The following DCAF4L1 variants were observed in gnomAD, a reference collection of about 807,000 sequenced individuals.
DCAF4L1 encodes DDB1 and CUL4 associated factor 4 like 1, also known as DDB1- and CUL4-associated factor 4-like protein 1.
In DCAF4L1, 4 loss-of-function variants were observed where a neutral mutation model predicts 28.2. The observed-to-expected ratio is 0.14, with a 90% confidence interval of 0.07 to 0.33. The LOEUF (loss-of-function observed/expected upper bound fraction) is 0.33. Among genes scored for constraint, DCAF4L1 ranks in the 10% least tolerant of loss-of-function variants. The pLI is 1.00. For missense variants in DCAF4L1, 331 were observed against 506.1 expected, an observed-to-expected ratio of 0.65 and a Z score of 3.32; for synonymous variants, 252 against 212.1, an observed-to-expected ratio of 1.19 and a Z score of -1.63.
rs991467413 is a variant in DCAF4L1, at chr4:41,983,938, A to C, written c.*955A>C. 5 of 166,014 alleles carry C rather than the reference A, an allele frequency of 3.0e-5. No individual in the cohort carries two copies. Among genetic ancestry groups the C allele is most frequent in the African/African-American group, 4.8e-5 (2 of 41,468 alleles). 10.3% of individuals were successfully genotyped at this position (166,014 alleles called of 1,614,324 possible). On this transcript the variant is annotated 3_prime_UTR_variant, in exon 1 of 1. Coordinates refer to ENST00000333141, the MANE Select transcript of DCAF4L1 (RefSeq NM_001029955.4). ...TGCATAATAATAGAAAATAAGGCAC[A>C]CTTGCTATGTGAAACAGTATGGACC...
rs1214649663 is a variant in DCAF4L1 at position 41,986,345 on chromosome 4, CCT to C, written c.*3367_*3368del. The stretch of plus-strand genomic sequence containing the variant: ...TGGTTGTTACTGCTGTCAGGTGCAT[CCT>C]CTCTATAGCGGGGTACTGGCTACAC... On this transcript the variant is annotated 3_prime_UTR_variant, in exon 1 of 1. Coordinates refer to ENST00000333141, the MANE Select transcript of DCAF4L1 (RefSeq NM_001029955.4). 6.8e-6 allele frequency: 1 copy of C among 147,208 alleles called. No individual in the cohort carries two copies. Among genetic ancestry groups the C allele is most frequent in the Non-Finnish European group, 1.7e-5 (1 of 59,108 alleles). 9.1% of individuals were successfully genotyped at this position (147,208 alleles called of 1,614,324 possible).
Position 41,982,740 on chromosome 4 carries a change from C to G in DCAF4L1, c.948C>G (p.Ala316=), listed in dbSNP as rs1264848872. The G allele has an allele frequency of 6.2e-7, 1 of 1,614,244 alleles. No individual in the cohort carries two copies. Among genetic ancestry groups the G allele is most frequent in the South Asian group, 1.1e-5 (1 of 91,086 alleles). Residue 316 remains alanine, a synonymous_variant, in exon 1 of 1, where the codon GCC becomes GCG. Coordinates refer to ENST00000333141, the MANE Select transcript of DCAF4L1 (RefSeq NM_001029955.4). This position sits in a 1 kb window ranked among gnomAD's most constrained non-coding sequence, Gnocchi z 4.4. The part of the protein sequence containing the change: ...RQYEGHVNES[A]YLPLHVHEEE... ...ACGAAGGTCACGTGAATGAGTCCGC[C>G]TATCTGCCCCTGCATGTGCACGAGG...
Position 41,982,567 on chromosome 4 carries a change from G to A in DCAF4L1, c.775G>A (p.Gly259Ser), listed in dbSNP as rs1714022070. ...FAIDLRCRNR[G>S]KGWRATRLFH... ...CATTGATCTGCGTTGTAGAAATCGA[G>A]GCAAGGGGTGGAGGGCCACTCGCCT... The change falls in exon 1 of 1, where the codon GGC becomes AGC. Residue 259 changes from glycine (G) to serine (S), a missense_variant. Transcript: ENST00000333141. This position sits in a 1 kb window ranked among gnomAD's most constrained non-coding sequence, Gnocchi z 4.4. 1 of 1,614,100 alleles carries A rather than the reference G, an allele frequency of 6.2e-7. No individual in the cohort carries two copies. The highest frequency in any genetic ancestry group is 1.7e-5 in the Admixed American group (1 of 60,004).
rs576181914 is a variant in DCAF4L1, at chr4:41,984,377, A to G, written c.*1394A>G. ...TTGCATTGGAAGATCATTCGAAGGT[A>G]GTATTATTGATAAGGCTTGCTGATG... On this transcript the variant is annotated 3_prime_UTR_variant, in exon 1 of 1. Transcript: ENST00000333141. The G allele has an allele frequency of 7.6e-4, 127 of 166,464 alleles. No homozygotes were observed. The highest frequency in any genetic ancestry group is 1.6e-3 in the Non-Finnish European group (110 of 67,904). 10.3% of individuals were successfully genotyped at this position (166,464 alleles called of 1,614,324 possible).
rs1278383437 is a variant in DCAF4L1, at chr4:41,986,357, G to A, written c.*3374G>A. 9.2e-6 allele frequency: 1 copy of A among 108,888 alleles called. No individual in the cohort carries two copies. Among genetic ancestry groups the A allele is most frequent in the South Asian group, 5.1e-4 (1 of 1,952 alleles). 6.7% of individuals were successfully genotyped at this position (108,888 alleles called of 1,614,324 possible). A position where few individuals can be genotyped will look rare whatever the true frequency, so the allele number is the denominator to read the frequency against. On this transcript the variant is annotated 3_prime_UTR_variant, in exon 1 of 1. Coordinates refer to ENST00000333141, the MANE Select transcript of DCAF4L1 (RefSeq NM_001029955.4). ...CTGTCAGGTGCATCCTCTCTATAGC[G>A]GGGTACTGGCTACACAGTTTTTGTT...
Position 41,982,460 on chromosome 4 carries a change from C to A in DCAF4L1, c.668C>A (p.Thr223Asn). ...VATGHQQSFD[T>N]SSDVLAQQFA... ...ACGGGACACCAGCAGTCATTTGATA[C>A]CAGCAGTGATGTCTTGGCCCAGCAG... The change falls in exon 1 of 1, where the codon ACC (threonine) becomes AAC (asparagine). Residue 223 changes from threonine to asparagine, a missense_variant. Coordinates refer to ENST00000333141, the MANE Select transcript of DCAF4L1 (RefSeq NM_001029955.4). The surrounding 1 kb of genome is among the most constrained non-coding windows in gnomAD (Gnocchi z 4.4). 6.2e-7 allele frequency: 1 copy of A among 1,614,154 alleles called. No individual in the cohort carries two copies. Among genetic ancestry groups the A allele is most frequent in the Non-Finnish European group, 8.5e-7 (1 of 1,180,026 alleles).
In DCAF4L1 at chr4:41,981,881, G is replaced by A. The variant is rs1336546037; in HGVS notation, c.89G>A (p.Arg30Gln). 6.2e-7 allele frequency: 1 copy of A among 1,614,206 alleles called. No homozygotes were observed. The highest frequency in any genetic ancestry group is 8.5e-7 in the Non-Finnish European group (1 of 1,180,038). Residue 30 changes from arginine (R) to glutamine (Q), a missense_variant, in exon 1 of 1, where the codon CGA (arginine) becomes CAA (glutamine). Transcript: ENST00000333141. Reference protein sequence around the residue: ...RMGFNASSMLRKSQLGFLNVT... With the variant: ...RMGFNASSMLQKSQLGFLNVT... ...GGATTTAATGCATCTTCCATGCTCC[G>A]AAAAAGCCAGCTAGGTTTCCTCAAC...
At position 41,984,095 on chromosome 4, in the gene DCAF4L1, A is replaced by G. The variant is rs1160066299; in HGVS notation, c.*1112A>G. 7 of 163,586 alleles carry G rather than the reference A, an allele frequency of 4.3e-5. No homozygotes were observed. The highest frequency in any genetic ancestry group is 3.9e-4 in the Admixed American group (6 of 15,212). The allele number at this position is 163,586 out of a possible 1,614,324, so 10.1% of individuals were successfully genotyped here. A position where few individuals can be genotyped will look rare whatever the true frequency, so the allele number is the denominator to read the frequency against. On this transcript the variant is annotated 3_prime_UTR_variant, in exon 1 of 1. Coordinates refer to ENST00000333141, the MANE Select transcript of DCAF4L1 (RefSeq NM_001029955.4). ...GTAGTACGTACCTCTGTAGAAAGAAAGGATTTTTTTTTCTTTTTCTTTTTA... is the reference window on the plus strand; with the variant it reads ...GTAGTACGTACCTCTGTAGAAAGAAGGGATTTTTTTTTCTTTTTCTTTTTA...
chr4:41,985,459 T>G lies in DCAF4L1; in HGVS notation c.*2476T>G, dbSNP rs1467976202. ...AGAGAAGCAAATGTTGGTGCAGTTG[T>G]GAGCAAATAGAACTTTCATATACTG... is the stretch of plus-strand genomic sequence containing the variant. On this transcript the variant is annotated 3_prime_UTR_variant, in exon 1 of 1. Transcript: ENST00000333141. The G allele has an allele frequency of 6.0e-6, 1 of 167,114 alleles. No homozygotes were observed. The highest frequency in any genetic ancestry group is 1.5e-5 in the Non-Finnish European group (1 of 68,126). The allele number at this position is 167,114 out of a possible 1,614,324, so 10.4% of individuals were successfully genotyped here. A position where few individuals can be genotyped will look rare whatever the true frequency, so the allele number is the denominator to read the frequency against.
chr4:41,983,121 TAA>T lies in DCAF4L1; in HGVS notation c.*139_*140del, dbSNP rs1560527521. On this transcript the variant is annotated 3_prime_UTR_variant, in exon 1 of 1. Transcript: ENST00000333141. The stretch of plus-strand genomic sequence containing the variant: ...CATCCGGCTGCCAGGGGTAAGGTGT[TAA>T]GAGTTTTATGTGGAGACGTTCTTGT... 2 of 736,238 alleles carry T rather than the reference TAA, an allele frequency of 2.7e-6. No individual in the cohort carries two copies. The highest frequency in any genetic ancestry group is 4.5e-6 in the Non-Finnish European group (2 of 448,656). 45.6% of individuals were successfully genotyped at this position (736,238 alleles called of 1,614,324 possible).
Position 41,982,274 on chromosome 4 carries a change from C to A in DCAF4L1, c.482C>A (p.Ala161Glu). ...CCAAGCTGTGCAGTGCTGCTCCCAG[C>A]GTCGCGGTTCTTAAGTGTTCACACA... ...DAPSCAVLLP[A>E]SRFLSVHTRV... The change falls in exon 1 of 1, where the codon GCG (alanine) becomes GAG (glutamate). Residue 161 changes from alanine to glutamate, a missense_variant. By Grantham distance (107) the Ala-to-Glu change is moderately radical. Coordinates refer to ENST00000333141, the MANE Select transcript of DCAF4L1 (RefSeq NM_001029955.4). The surrounding 1 kb of genome is among the most constrained non-coding windows in gnomAD (Gnocchi z 4.4). 1 of 1,614,198 alleles carries A rather than the reference C, an allele frequency of 6.2e-7. No individual in the cohort carries two copies. Among genetic ancestry groups the A allele is most frequent in the Non-Finnish European group, 8.5e-7 (1 of 1,180,050 alleles).
At position 41,986,383 on chromosome 4, in the gene DCAF4L1, C is replaced by A. The variant is rs527877991; in HGVS notation, c.*3400C>A. ...GGGTACTGGCTACACAGTTTTTGTT[C>A]ACTAGTGATAATTGTTAGAGCTATG... On this transcript the variant is annotated 3_prime_UTR_variant, in exon 1 of 1. Transcript: ENST00000333141. 5.1e-4 allele frequency: 85 copies of A among 167,156 alleles called. 1 individual carries two copies. Among genetic ancestry groups the A allele is most frequent in the Non-Finnish European group, 5.9e-4 (40 of 68,110 alleles). 10.4% of individuals were successfully genotyped at this position (167,156 alleles called of 1,614,324 possible).
At position 41,982,554 on chromosome 4, in the gene DCAF4L1, T is replaced by G; in HGVS notation, c.762T>G (p.Arg254=). 6.2e-7 allele frequency: 1 copy of G among 1,614,178 alleles called. No homozygotes were observed. The highest frequency in any genetic ancestry group is 1.1e-5 in the South Asian group (1 of 91,084). Residue 254 remains arginine (R), a synonymous_variant, in exon 1 of 1, where the codon CGT becomes CGG. Transcript: ENST00000333141. This position sits in a 1 kb window ranked among gnomAD's most constrained non-coding sequence, Gnocchi z 4.4. ...RSGEIFAIDL[R]CRNRGKGWRA... ...GGGAGATCTTTGCCATTGATCTGCG[T>G]TGTAGAAATCGAGGCAAGGGGTGGA... is the stretch of plus-strand genomic sequence containing the variant.
chr4:41,984,332 G>A lies in DCAF4L1; in HGVS notation c.*1349G>A, dbSNP rs1714083878. 6.0e-6 allele frequency: 1 copy of A among 166,680 alleles called. No individual in the cohort carries two copies. The highest frequency in any genetic ancestry group is 1.5e-5 in the Non-Finnish European group (1 of 68,048). 10.3% of individuals were successfully genotyped at this position (166,680 alleles called of 1,614,324 possible). On this transcript the variant is annotated 3_prime_UTR_variant, in exon 1 of 1. Transcript: ENST00000333141. ...TGCCTTGGACCTGCATGTGTGAGAA[G>A]TAGAAATGATCAGAAATGATTGCAT...
In DCAF4L1 at chr4:41,982,595, TC is replaced by T. The variant is rs1714023458; in HGVS notation, c.805del (p.His269MetfsTer5). On this transcript the variant is annotated frameshift_variant, in exon 1 of 1. Transcript: ENST00000333141. LOFTEE classifies it high-confidence loss of function. The surrounding 1 kb of genome is among the most constrained non-coding windows in gnomAD (Gnocchi z 4.4). ...AAGGGGTGGAGGGCCACTCGCCTGT[TC>T]CATGACTCAGCAGTGACCTCTGTGC... ...RGKGWRATRL[F>X]HDSAVTSVQI... 6.2e-7 allele frequency: 1 copy of T among 1,614,100 alleles called. No homozygotes were observed. The highest frequency in any genetic ancestry group is 1.3e-5 in the African/African-American group (1 of 74,930).
Position 41,982,728 on chromosome 4 carries a change from G to A in DCAF4L1, c.936G>A (p.Val312=), listed in dbSNP as rs770035470. ...GTGTAAGGCAGTACGAAGGTCACGT[G>A]AATGAGTCCGCCTATCTGCCCCTGC... ...TKCVRQYEGH[V]NESAYLPLHV... is the part of the protein sequence containing the mutation. The change falls in exon 1 of 1, where the codon GTG becomes GTA. Residue 312 remains valine, a synonymous_variant. Transcript: ENST00000333141. This position sits in a 1 kb window ranked among gnomAD's most constrained non-coding sequence, Gnocchi z 4.4. 5 of 1,614,122 alleles carry A rather than the reference G, an allele frequency of 3.1e-6. No homozygotes were observed. The Admixed American group carries it at 8.3e-5, about 27-fold the overall frequency.
chr4:41,984,345 G>T lies in DCAF4L1; in HGVS notation c.*1362G>T, dbSNP rs1233469965. ...CATGTGTGAGAAGTAGAAATGATCAGAAATGATTGCATTGGAAGATCATTC... is the reference window on the plus strand; with the variant it reads ...CATGTGTGAGAAGTAGAAATGATCATAAATGATTGCATTGGAAGATCATTC... On this transcript the variant is annotated 3_prime_UTR_variant, in exon 1 of 1. Coordinates refer to ENST00000333141, the MANE Select transcript of DCAF4L1 (RefSeq NM_001029955.4). 2 of 166,496 alleles carry T rather than the reference G, an allele frequency of 1.2e-5. No homozygotes were observed. Among genetic ancestry groups the T allele is most frequent in the Non-Finnish European group, 2.9e-5 (2 of 68,014 alleles). 10.3% of individuals were successfully genotyped at this position (166,496 alleles called of 1,614,324 possible). A position where few individuals can be genotyped will look rare whatever the true frequency, so the allele number is the denominator to read the frequency against.
rs1286476805 is a variant in DCAF4L1, at chr4:41,985,155, G to A, written c.*2172G>A. ...CTGATATGTCATTTATTTGGCAATT[G>A]ACAAAAAATGACTACATAACTTGAT... is the stretch of plus-strand genomic sequence containing the variant. On this transcript the variant is annotated 3_prime_UTR_variant, in exon 1 of 1. Transcript: ENST00000333141. The A allele has an allele frequency of 6.0e-6, 1 of 166,196 alleles. No homozygotes were observed. Among genetic ancestry groups the A allele is most frequent in the African/African-American group, 2.4e-5 (1 of 41,238 alleles). 10.3% of individuals were successfully genotyped at this position (166,196 alleles called of 1,614,324 possible).
Position 41,982,523 on chromosome 4 carries a change from G to A in DCAF4L1, c.731G>A (p.Arg244His). Residue 244 changes from arginine to histidine, a missense_variant, in exon 1 of 1, where the codon CGC becomes CAC. By Grantham distance (29) the Arg-to-His change is conservative. Coordinates refer to ENST00000333141, the MANE Select transcript of DCAF4L1 (RefSeq NM_001029955.4). The surrounding 1 kb of genome is among the most constrained non-coding windows in gnomAD (Gnocchi z 4.4). ...STAPLLFNGC[R>H]SGEIFAIDLR... ...GCTCCTTTGCTGTTTAATGGCTGTC[G>A]CTCCGGGGAGATCTTTGCCATTGAT... The A allele has an allele frequency of 4.3e-6, 7 of 1,614,200 alleles. No homozygotes were observed. Among genetic ancestry groups the A allele is most frequent in the Non-Finnish European group, 5.9e-6 (7 of 1,180,042 alleles).
Sources: allele counts gnomAD v4.1 joint callset, GRCh38; gene constraint gnomAD v4.1.1; non-coding constraint Gnocchi (gnomAD v3.1); transcripts MANE v1.5; gene names NCBI Gene and HGNC (gene_info 2026-07-23, HGNC 2026-07-21).